The following NT5E variants were observed in gnomAD, a reference collection of about 807,000 sequenced individuals.
The protein encoded by NT5E is 5'-nucleotidase ecto.
NT5E carries 53 observed loss-of-function variants against 55.1 expected under a neutral mutation model. That is an observed-to-expected ratio of 0.96 (90% CI 0.77 to 1.21). The LOEUF (loss-of-function observed/expected upper bound fraction) is 1.21, where lower values mean the gene tolerates loss of function less well. Among genes scored for constraint, NT5E ranks in the 50% most tolerant of loss-of-function variants. The probability of loss-of-function intolerance (pLI) is 0.00; values close to 1 mark genes in which losing one functional copy is unlikely to be tolerated. For missense variants in NT5E, 683 were observed against 724.3 expected, an observed-to-expected ratio of 0.94 and a Z score of 0.65; for synonymous variants, 270 against 278.4, an observed-to-expected ratio of 0.97 and a Z score of 0.30.
intron 8 of NT5E, among the ~76,000 whole-genome samples, chr6:85,493,510 C>T (rs1769830208): frequency 6.6e-6 from 1 of 152,168 alleles, no homozygotes; most frequent in Admixed American, 6.5e-5. Context: ...TTTTATCTCT[C>T]AACTAATTGC....
chr6:85,471,512 T>C (rs984905086), intron 3 of NT5E, 87 bp downstream of exon 3: 2 of 990,382 alleles, frequency 2.0e-6, no homozygotes, highest in Admixed American at 2.0e-5. Flanking sequence ...TTACTCTTTT[T>C]ACTGCTATTT....
In NT5E at chr6:85,494,328, C is replaced by T. The variant is rs1769848006; in HGVS notation, c.*324C>T. The stretch of plus-strand genomic sequence containing the variant: ...TATCCATTTCTAATCCATCAAACAG[C>T]TTATGTTTACATAAAATTTTATCAT... On this transcript the variant is annotated 3_prime_UTR_variant, in exon 9 of 9. Transcript: ENST00000257770. 4.0e-6 allele frequency: 1 copy of T among 251,530 alleles called. No individual in the cohort carries two copies. The highest frequency in any genetic ancestry group is 7.0e-5 in the South Asian group (1 of 14,186). The allele number at this position is 251,530 out of a possible 1,614,324, so 15.6% of individuals were successfully genotyped here.
intron 1 of NT5E, among the ~76,000 whole-genome samples, chr6:85,466,077 G>C (rs759718467): frequency 6.6e-6 from 1 of 152,166 alleles, no homozygotes; most frequent in Non-Finnish European, 1.5e-5. Flanking sequence ...GTGTATCCAG[G>C]AGGCCAATGG....
intron 3 of NT5E, among the ~76,000 whole-genome samples, chr6:85,482,471 AC>A (rs1196043480): frequency 6.6e-6 from 1 of 152,214 alleles, no homozygotes; most frequent in Non-Finnish European, 1.5e-5. Flanking sequence ...CACTTCTATT[AC>A]CATGTGACAC....
At chr6:85,453,808 ACAGG>A (rs1562134265) in intron 1 of NT5E, among the ~76,000 whole-genome samples, 1 of 152,164 alleles carries the variant, frequency 6.6e-6, no homozygotes, top group Non-Finnish European at 1.5e-5. Context: ...CACCCAGGGG[ACAGG>A]TTAGTCAGAT....
At chr6:85,462,273 C>T (rs1200860983) in intron 1 of NT5E, among the ~76,000 whole-genome samples, 6 of 152,172 alleles carry the variant, frequency 3.9e-5, no homozygotes, top group African/African-American at 1.2e-4. Flanking sequence ...CCCGGACTGC[C>T]TCCAGCCCTA....
Position 85,456,937 on chromosome 6 carries a change from T to C in NT5E, c.339+6459T>C, listed in dbSNP as rs115039746. 1.4e-3 allele frequency among the ~76,000 whole-genome samples: 206 copies of C among 152,228 alleles called. 1 individual carries two copies. The highest frequency in any genetic ancestry group is 4.8e-3 in the African/African-American group (199 of 41,542). Reference sequence around the variant, plus strand: ...GTGATTGTTGTCTCCACCCCTAGGGTGCTGTGGGGTTTACAAGAGATAGTA... The same window carrying C: ...GTGATTGTTGTCTCCACCCCTAGGGCGCTGTGGGGTTTACAAGAGATAGTA... On this transcript the variant is annotated intron_variant, in intron 1 of 8. Coordinates refer to ENST00000257770, the MANE Select transcript of NT5E (RefSeq NM_002526.4).
At chr6:85,470,427 T>C (rs1769281733) in intron 2 of NT5E, among the ~76,000 whole-genome samples, 1 of 152,214 alleles carries the variant, frequency 6.6e-6, no homozygotes, top group Non-Finnish European at 1.5e-5. Context: ...AGCTCAATAA[T>C]GCTCTAATGC....
chr6:85,493,505 T>C (rs558648609), intron 8 of NT5E, among the ~76,000 whole-genome samples: 3 of 152,252 alleles, frequency 2.0e-5, no homozygotes, highest in Middle Eastern at 3.4e-3. Flanking sequence ...GCCAGTTTTA[T>C]CTCTCAACTA....
intron 4 of NT5E, among the ~76,000 whole-genome samples, chr6:85,486,185 C>T (rs1219637242): frequency 1.3e-5 from 2 of 152,114 alleles, no homozygotes; most frequent in African/African-American, 2.4e-5. Context: ...AAGTACAGTA[C>T]ATTTGTATGT....
chr6:85,459,437 C>T (rs1343598468), intron 1 of NT5E, among the ~76,000 whole-genome samples: 1 of 152,188 alleles, frequency 6.6e-6, no homozygotes, highest in Non-Finnish European at 1.5e-5. Context: ...TCTTCTGCAT[C>T]ATGCATCCTA....
chr6:85,471,669 TAA>T (rs765803428), intron 3 of NT5E: 19 of 184,446 alleles, frequency 1.0e-4, no homozygotes, highest in East Asian at 6.4e-4. Context: ...AATAAATATA[TAA>T]GACATAAAAT....
chr6:85,487,621 G>A, intron 5 of NT5E, 132 bp downstream of exon 5: 1 of 1,248,588 alleles, frequency 8.0e-7, no homozygotes, highest in South Asian at 1.2e-5. Context: ...AGCCAGGGTG[G>A]TGGCATGTGC....
intron 1 of NT5E, among the ~76,000 whole-genome samples, chr6:85,461,777 A>G (rs1047432333): frequency 8.6e-5 from 13 of 152,026 alleles, no homozygotes; most frequent in African/African-American, 2.9e-4. Context: ...ATGGGAGGGG[A>G]CAGGAGGGGT....
At position 85,492,181 on chromosome 6, in the gene NT5E, A is replaced by AG; in HGVS notation, c.1561+5dup. On this transcript the variant is annotated splice_donor_region_variant and intron_variant, in intron 8 of 8. Transcript: ENST00000257770. Reference sequence around the variant, plus strand: ...GAATTATTAAGACATGACTCTGGTAAGCATGACTGTCTCTTCCTTTCTCTA... The same window carrying AG: ...GAATTATTAAGACATGACTCTGGTAAGGCATGACTGTCTCTTCCTTTCTCTA... The AG allele has an allele frequency of 6.2e-7, 1 of 1,613,516 alleles. No individual in the cohort carries two copies. Among genetic ancestry groups the AG allele is most frequent in the Non-Finnish European group, 8.5e-7 (1 of 1,179,446 alleles).
chr6:85,490,113 T>G (rs1428806211), intron 6 of NT5E, among the ~76,000 whole-genome samples: 1 of 152,174 alleles, frequency 6.6e-6, no homozygotes. Context: ...TGAAAACCAA[T>G]CAGTATCAGT....
At chr6:85,455,584 T>C (rs1768971853) in intron 1 of NT5E, among the ~76,000 whole-genome samples, 1 of 152,218 alleles carries the variant, frequency 6.6e-6, no homozygotes, top group Admixed American at 6.5e-5. Flanking sequence ...GCCTTTATAA[T>C]AAACCAATGA....
intron 1 of NT5E, among the ~76,000 whole-genome samples, chr6:85,453,564 G>T (rs1031346627): frequency 6.6e-6 from 1 of 152,170 alleles, no homozygotes; most frequent in Non-Finnish European, 1.5e-5. Context: ...AAAACTGAAG[G>T]TATCCACCTC....
At chr6:85,460,461 C>A (rs1769074175) in intron 1 of NT5E, among the ~76,000 whole-genome samples, 1 of 152,186 alleles carries the variant, frequency 6.6e-6, no homozygotes, top group Non-Finnish European at 1.5e-5. Flanking sequence ...TAAAATATAT[C>A]TTTAGCAAGT....
Sources: gnomAD v4.1 joint callset for allele counts (sites outside exome capture counted in the v4.1 genomes callset) on GRCh38, gnomAD v4.1.1 for gene constraint, MANE v1.5 for transcripts, NCBI Gene and HGNC (gene_info 2026-07-23, HGNC 2026-07-21) for gene names.